Variants in DCC observed in about 807,000 individuals in gnomAD.
The protein encoded by DCC is DCC netrin 1 receptor, also known as netrin receptor DCC.
A neutral mutation model predicts 172.5 loss-of-function variants in DCC; 58 were observed. The ratio of observed to expected loss-of-function variants is 0.34; its 90% confidence interval spans 0.27 to 0.42. DCC has a LOEUF of 0.42. Ranked by LOEUF, DCC falls within the 10% of genes least tolerant of loss-of-function variation. The pLI is 1.00. For synonymous variants in DCC, 709 were observed against 644.5 expected, an observed-to-expected ratio of 1.10 and a Z score of -1.52; for missense variants, 1,740 against 1,791.0, an observed-to-expected ratio of 0.97 and a Z score of 0.51.
At chr18:53,409,930 G>A (rs920065076) in intron 19 of DCC, among the ~76,000 whole-genome samples, 12 of 152,130 alleles carry the variant, frequency 7.9e-5, no homozygotes, top group Non-Finnish European at 1.5e-4. Flanking sequence ...CAGCTTCACC[G>A]TCTGTGAAAG....
chr18:52,350,870 A>G (rs895923525), intron 1 of DCC, among the ~76,000 whole-genome samples: 1 of 152,128 alleles, frequency 6.6e-6, no homozygotes, highest in African/African-American at 2.4e-5. Context: ...TGCTGTAAAA[A>G]CATCTCCAGA....
At chr18:52,825,675 T>C (rs748036666) in intron 2 of DCC, among the ~76,000 whole-genome samples, 34 of 131,478 alleles carry the variant, frequency 2.6e-4, no homozygotes, top group Non-Finnish European at 3.9e-4. Context: ...TGATCATAAT[T>C]GTTTTGGTTT....
intron 1 of DCC, among the ~76,000 whole-genome samples, chr18:52,654,832 G>A (rs1200141799): frequency 6.6e-6 from 1 of 152,096 alleles, no homozygotes; most frequent in South Asian, 2.1e-4. Flanking sequence ...ATCCAGGCAT[G>A]ATAGTTCCTT....
At chr18:53,315,104 C>A (rs2057327988) in intron 13 of DCC, among the ~76,000 whole-genome samples, 1 of 152,140 alleles carries the variant, frequency 6.6e-6, no homozygotes. Flanking sequence ...CTAAAGCTAT[C>A]CCTCCCCTAG....
chr18:52,661,463 G>A (rs1374759043), intron 1 of DCC, among the ~76,000 whole-genome samples: 1 of 152,162 alleles, frequency 6.6e-6, no homozygotes, highest in Non-Finnish European at 1.5e-5. Context: ...TAAGTGAAAG[G>A]CAGGCAAACT....
At chr18:52,937,146 G>C (rs1383962732) in intron 5 of DCC, among the ~76,000 whole-genome samples, 1 of 152,088 alleles carries the variant, frequency 6.6e-6, no homozygotes, top group Non-Finnish European at 1.5e-5. Flanking sequence ...GTATATGAGT[G>C]TTTATATTTC....
intron 1 of DCC, among the ~76,000 whole-genome samples, chr18:52,705,823 A>G (rs2036200124): frequency 6.6e-6 from 1 of 152,218 alleles, no homozygotes; most frequent in Non-Finnish European, 1.5e-5. Context: ...TGATAAGTGA[A>G]TTTATAATTC....
chr18:52,737,215 A>G (rs1011309047), intron 1 of DCC, among the ~76,000 whole-genome samples: 1 of 152,190 alleles, frequency 6.6e-6, no homozygotes, highest in African/African-American at 2.4e-5. Flanking sequence ...TAAATTAATG[A>G]AAAACAGCTG....
chr18:53,462,545 G>A (rs919007758), intron 24 of DCC, among the ~76,000 whole-genome samples: 1 of 151,834 alleles, frequency 6.6e-6, no homozygotes, highest in Non-Finnish European at 1.5e-5. Context: ...ATGGTGAGTT[G>A]TATAATTATT....
rs553707663 is a variant in DCC, at chr18:52,659,158, A to T, written c.92-92896A>T. ...GAACAAGAAGGTAAAGCAGAAACAG[A>T]TGGAACTCAGTACAATGTTCAGACA... On this transcript the variant is annotated intron_variant, in intron 1 of 28. Transcript: ENST00000442544. Among the ~76,000 whole-genome samples the T allele has an allele frequency of 2.6e-5, 4 of 152,314 alleles. No individual in the cohort carries two copies. In the South Asian group the frequency reaches 8.3e-4, roughly 32 times the overall value.
intron 8 of DCC, among the ~76,000 whole-genome samples, chr18:53,168,519 A>G (rs2054960451): frequency 7.1e-6 from 1 of 141,486 alleles, no homozygotes; most frequent in Non-Finnish European, 1.5e-5. Flanking sequence ...GAACAATGAG[A>G]GCACATGGAC....
intron 23 of DCC, among the ~76,000 whole-genome samples, chr18:53,453,478 T>G (rs569904215): frequency 1.9e-4 from 29 of 152,310 alleles, no homozygotes; most frequent in South Asian, 8.3e-4. Flanking sequence ...ATGTTTTTTT[T>G]GGGGGACTTG....
intron 1 of DCC, among the ~76,000 whole-genome samples, chr18:52,679,199 T>C (rs1000463811): frequency 1.3e-5 from 2 of 152,074 alleles, no homozygotes; most frequent in African/African-American, 4.8e-5. Context: ...AGTGGTGATA[T>C]GAAGGAATGC....
intron 25 of DCC, among the ~76,000 whole-genome samples, chr18:53,470,612 G>A (rs1194969904): frequency 6.6e-6 from 1 of 152,156 alleles, no homozygotes; most frequent in Non-Finnish European, 1.5e-5. Context: ...AAAAAACAAA[G>A]GAGGTTTAAA....
intron 2 of DCC, among the ~76,000 whole-genome samples, chr18:52,859,217 T>C (rs1012753615): frequency 1.3e-5 from 2 of 152,180 alleles, no homozygotes; most frequent in African/African-American, 4.8e-5. Flanking sequence ...CTAGTTGTTA[T>C]GAGAGCTTGA....
Position 53,356,443 on chromosome 18 carries a change from A to G in DCC, c.2359+16536A>G, listed in dbSNP as rs58907869. On this transcript the variant is annotated intron_variant, in intron 15 of 28. Coordinates refer to ENST00000442544, the MANE Select transcript of DCC (RefSeq NM_005215.4). ...TTAAAATATTCTTGCATTTTGTTCT[A>G]ACATGCAGTTATGTTACTTTGAAAT... is the stretch of plus-strand genomic sequence containing the variant. 1.6e-3 allele frequency among the ~76,000 whole-genome samples: 237 copies of G among 152,192 alleles called. 1 individual carries two copies. Among genetic ancestry groups the G allele is most frequent in the African/African-American group, 5.4e-3 (225 of 41,506 alleles).
chr18:52,858,019 C>T (rs987562450), intron 2 of DCC, among the ~76,000 whole-genome samples: 1 of 152,098 alleles, frequency 6.6e-6, no homozygotes. Flanking sequence ...GCTCGTTTAC[C>T]CAAATATGTT....
chr18:52,396,017 G>A (rs1986213277), intron 1 of DCC, among the ~76,000 whole-genome samples: 1 of 151,950 alleles, frequency 6.6e-6, no homozygotes, highest in African/African-American at 2.4e-5. Flanking sequence ...CTGAGTTCTA[G>A]TCAGAACTCA....
At chr18:52,414,627 G>A (rs944947736) in intron 1 of DCC, among the ~76,000 whole-genome samples, 5 of 152,122 alleles carry the variant, frequency 3.3e-5, no homozygotes, top group African/African-American at 1.2e-4. Flanking sequence ...AAAACAAGAA[G>A]AAGCCCAGTC....
Sources: allele counts gnomAD v4.1 joint callset (sites outside exome capture counted in the v4.1 genomes callset), GRCh38; gene constraint gnomAD v4.1.1; transcripts MANE v1.5; gene names NCBI Gene and HGNC (gene_info 2026-07-23, HGNC 2026-07-21).